The following CMIP variants were observed in gnomAD, a reference collection of about 807,000 sequenced individuals.
CMIP encodes the protein C-Maf-inducing protein.
A neutral mutation model predicts 97.3 loss-of-function variants in CMIP; 13 were observed. The ratio of observed to expected loss-of-function variants is 0.13; its 90% CI spans 0.09 to 0.21. The LOEUF is 0.21. CMIP is among the 10% of genes least tolerant of loss of function. The pLI is 1.00. For missense variants in CMIP, 847 were observed against 1,024.9 expected, an observed-to-expected ratio of 0.83 and a Z score of 2.37; for synonymous variants, 538 against 436.3, an observed-to-expected ratio of 1.23 and a Z score of -2.91.
intron 1 of CMIP, among the ~76,000 whole-genome samples, chr16:81,585,928 T>TC (rs2091374796): frequency 6.6e-6 from 1 of 152,006 alleles, no homozygotes; most frequent in South Asian, 2.1e-4. Context: ...ACTGATCACC[T>TC]CCCCCATTCT....
intron 9 of CMIP, among the ~76,000 whole-genome samples, chr16:81,674,457 G>A (rs139125223): frequency 9.9e-5 from 15 of 152,226 alleles, no homozygotes; most frequent in African/African-American, 3.6e-4. Context: ...TACCCAGAGT[G>A]TGCAGGAGCC....
chr16:81,565,814 G>T (rs1176075735), intron 1 of CMIP, among the ~76,000 whole-genome samples: 1 of 152,190 alleles, frequency 6.6e-6, no homozygotes, highest in South Asian at 2.1e-4. Context: ...TCCTTCTGGG[G>T]CACGGCGCCG....
chr16:81,554,826 G>T (rs1009076968), intron 1 of CMIP, among the ~76,000 whole-genome samples: 1 of 152,180 alleles, frequency 6.6e-6, no homozygotes, highest in Non-Finnish European at 1.5e-5. Context: ...GCTTAGCATC[G>T]TGTCTGCTAG....
At chr16:81,454,161 G>C (rs902858788) in intron 1 of CMIP, among the ~76,000 whole-genome samples, 1 of 152,218 alleles carries the variant, frequency 6.6e-6, no homozygotes, top group Non-Finnish European at 1.5e-5. Context: ...GAGCAAATCC[G>C]TTGTAAGAGA....
chr16:81,648,142 A>G (rs73598501), intron 3 of CMIP, among the ~76,000 whole-genome samples: 7,712 of 149,212 alleles, frequency 0.052, 419 homozygotes, highest in East Asian at 0.21. Context: ...AGCATTCTTG[A>G]CACTTCTTCA....
intron 1 of CMIP, among the ~76,000 whole-genome samples, chr16:81,474,214 G>A (rs187307674): frequency 8.0e-4 from 122 of 152,108 alleles, no homozygotes; most frequent in African/African-American, 2.8e-3. Context: ...TGTACCCCCC[G>A]GGCTTGGAGA....
chr16:81,511,870 G>C (rs918306218), intron 1 of CMIP, among the ~76,000 whole-genome samples: 5 of 152,164 alleles, frequency 3.3e-5, no homozygotes, highest in Admixed American at 6.5e-5. Context: ...CCTCTAGTTA[G>C]TTTTAGACCT....
intron 1 of CMIP, among the ~76,000 whole-genome samples, chr16:81,517,506 A>C (rs1004425415): frequency 5.3e-5 from 8 of 152,254 alleles, no homozygotes; most frequent in Non-Finnish European, 1.2e-4. Context: ...AATGAGACCA[A>C]GGAAACACCC....
intron 1 of CMIP, among the ~76,000 whole-genome samples, chr16:81,533,512 T>G (rs898968): frequency 0.89 from 134,984 of 152,186 alleles, 60,089 homozygotes; most frequent in African/African-American, 0.95. Flanking sequence ...GGAGTCTCTT[T>G]TTGTCACCCA....
In CMIP at chr16:81,627,024, T is replaced by C. The variant is rs960139732; in HGVS notation, c.477+6098T>C. Among the ~76,000 whole-genome samples the C allele has an allele frequency of 2.0e-5, 3 of 149,486 alleles. No individual in the cohort carries two copies. Among genetic ancestry groups the C allele is most frequent in the Non-Finnish European group, 3.0e-5 (2 of 67,460 alleles). ...TGTGTGGCCTGTAGGGTGACTGTTT[T>C]ATGAGTATGTGTGCATGGCATGTGA... On this transcript the variant is annotated intron_variant, in intron 3 of 20. Transcript: ENST00000537098. This position sits in a 1 kb window ranked among gnomAD's most constrained non-coding sequence, Gnocchi z 4.6.
rs549852862 is a variant in CMIP, at chr16:81,643,522, G to T, written c.478-8681G>T. Among the ~76,000 whole-genome samples, 12 of 152,318 alleles carry T rather than the reference G, an allele frequency of 7.9e-5. No individual in the cohort carries two copies. The South Asian group carries it at 2.3e-3, about 29-fold the overall frequency. On this transcript the variant is annotated intron_variant, in intron 3 of 20. Coordinates refer to ENST00000537098, the MANE Select transcript of CMIP (RefSeq NM_198390.3). ...GGGTACATGGTGGCCGGGCGCAGTG[G>T]CTCACACCTGTAATCCTAGCACTTT...
intron 11 of CMIP, among the ~76,000 whole-genome samples, chr16:81,692,774 A>G (rs1168163441): frequency 6.6e-6 from 1 of 152,182 alleles, no homozygotes; most frequent in African/African-American, 2.4e-5. Context: ...ATGGTCCCCC[A>G]TGGCCGCTGA....
At chr16:81,454,630 C>G (rs1161057972) in intron 1 of CMIP, among the ~76,000 whole-genome samples, 1 of 152,202 alleles carries the variant, frequency 6.6e-6, no homozygotes, top group African/African-American at 2.4e-5. Flanking sequence ...TTCTGGGGCA[C>G]TGTTCTTGCA....
At chr16:81,542,098 C>G (rs2090460228) in intron 1 of CMIP, among the ~76,000 whole-genome samples, 1 of 152,132 alleles carries the variant, frequency 6.6e-6, no homozygotes, top group Non-Finnish European at 1.5e-5. Context: ...TCGCTTTTCA[C>G]TCTTAAACAC....
At chr16:81,639,639 CT>C (rs2092280036) in intron 3 of CMIP, among the ~76,000 whole-genome samples, 1 of 152,218 alleles carries the variant, frequency 6.6e-6, no homozygotes, top group Non-Finnish European at 1.5e-5. Context: ...CCTTATGTCT[CT>C]CTTTATCCAT....
At chr16:81,629,702 TG>T (rs1163489583) in intron 3 of CMIP, among the ~76,000 whole-genome samples, 1 of 152,238 alleles carries the variant, frequency 6.6e-6, no homozygotes, top group African/African-American at 2.4e-5. Context: ...TGGACAGTCC[TG>T]TGAGCCTCGC....
intron 1 of CMIP, among the ~76,000 whole-genome samples, chr16:81,598,959 ACT>A (rs1164983610): frequency 8.3e-6 from 1 of 120,226 alleles, no homozygotes; most frequent in Admixed American, 1.0e-4. Context: ...ACAGAGCAAG[ACT>A]CTGTCTCAAA....
Position 81,493,350 on chromosome 16 carries a change from G to GCGTTACCTGT in CMIP, c.300+47840_300+47849dup, listed in dbSNP as rs59748854. Among the ~76,000 whole-genome samples, 67 of 151,508 alleles carry GCGTTACCTGT rather than the reference G, an allele frequency of 4.4e-4. 1 individual carries two copies. The highest frequency in any genetic ancestry group is 9.8e-4 in the East Asian group (5 of 5,126). The stretch of plus-strand genomic sequence containing the variant: ...GGAGCTCTGGGGTCACTCACCCTCC[G>GCGTTACCTGT]CGTTACCTGTCGTTACCTGTCGTTA... On this transcript the variant is annotated intron_variant, in intron 1 of 20. Transcript: ENST00000537098.
intron 10 of CMIP, 80 bp downstream of exon 10, chr16:81,678,708 T>C: frequency 4.4e-6 from 3 of 684,528 alleles, no homozygotes. Context: ...GCTGTGTTTG[T>C]TGGTTCGAGC....
Sources: allele counts gnomAD v4.1 joint callset (sites outside exome capture counted in the v4.1 genomes callset), GRCh38; gene constraint gnomAD v4.1.1; non-coding constraint Gnocchi (gnomAD v3.1); transcripts MANE v1.5; gene names NCBI Gene and HGNC (gene_info 2026-07-23, HGNC 2026-07-21).